MINAR1: variants seen among roughly 807,000 people sequenced by gnomAD.
MINAR1 encodes membrane integral NOTCH2 associated receptor 1.
In MINAR1, 40 loss-of-function variants were observed where a neutral mutation model predicts 65.1. The observed-to-expected ratio is 0.61, with a 90% CI of 0.48 to 0.80. The LOEUF is 0.80. Among genes scored for constraint, MINAR1 ranks in the 30% least tolerant of loss-of-function variants. The pLI is 0.00. For synonymous variants in MINAR1, 482 were observed against 449.1 expected, an observed-to-expected ratio of 1.07 and a Z score of -0.93; for missense variants, 1,128 against 1,148.0, an observed-to-expected ratio of 0.98 and a Z score of 0.25.
At chr15:79,419,442 G>A in the MINAR1 span, 1 of 152,222 alleles carries the variant, frequency 6.6e-6, no homozygotes, top group African/African-American at 2.4e-5. Context: ...GCCTGTGACT[G>A]TCCACTGGCC....
chr15:79,456,623 G>A lies in MINAR1; in HGVS notation c.476G>A (p.Arg159Gln), dbSNP rs375072007. The A allele has an allele frequency of 8.3e-5, 134 of 1,614,152 alleles. No homozygotes were observed. The highest frequency in any genetic ancestry group is 1.6e-4 in the Middle Eastern group (1 of 6,062). The change falls in exon 2 of 4, where the codon CGG (arginine) becomes CAG (glutamine). Residue 159 changes from arginine (R) to glutamine (Q), a missense_variant. By Grantham distance (43) the Arg-to-Gln change is conservative. Coordinates refer to ENST00000305428, the MANE Select transcript of MINAR1 (RefSeq NM_015206.3). ...CCCATCAGGCAGTCGTCCAAGTGCC[G>A]GAAGATGGACTGCAAGGACTGCCCA... is the stretch of plus-strand genomic sequence containing the variant. ...GYPIRQSSKC[R>Q]KMDCKDCPQF...
rs181950060 is a variant in MINAR1 at position 79,463,406 on chromosome 15, G to A, written c.2553+85G>A. On this transcript the variant is annotated intron_variant, in intron 3 of 3. Coordinates refer to ENST00000305428, the MANE Select transcript of MINAR1 (RefSeq NM_015206.3). ...GAATGGATCACGGACGGCTTAGACC[G>A]GCCAGCCCACTTCCACACCCTTCAA... 3.2e-3 allele frequency: 4,872 copies of A among 1,528,038 alleles called. 21 individuals carry two copies. Among genetic ancestry groups the A allele is most frequent in the Non-Finnish European group, 3.1e-3 (3,540 of 1,123,982 alleles). The allele number at this position is 1,528,038 out of a possible 1,614,324, so 94.7% of individuals were successfully genotyped here. A position where few individuals can be genotyped will look rare whatever the true frequency, so the allele number is the denominator to read the frequency against.
At chr15:79,461,230 T>C (rs1895631549) in intron 2 of MINAR1, among the ~76,000 whole-genome samples, 1 of 152,238 alleles carries the variant, frequency 6.6e-6, no homozygotes, top group Non-Finnish European at 1.5e-5. Context: ...TGAAAACAGT[T>C]TCAAATCCTG....
intron 3 of MINAR1, 117 bp downstream of exon 3, chr15:79,463,438 G>A: frequency 8.3e-7 from 1 of 1,202,452 alleles, no homozygotes. Context: ...TCAACTCCCT[G>A]GGCCCCCAAC....
At chr15:79,434,282 G>T (rs1352917188) in intron 1 of MINAR1, among the ~76,000 whole-genome samples, 4 of 152,178 alleles carry the variant, frequency 2.6e-5, no homozygotes, top group Non-Finnish European at 5.9e-5. Flanking sequence ...GATACATAAT[G>T]CGATTTTTTT....
At chr15:79,449,285 G>A (rs7173523) in intron 1 of MINAR1, among the ~76,000 whole-genome samples, 46,649 of 152,076 alleles carry the variant, frequency 0.31, 8,540 homozygotes, top group African/African-American at 0.52. Flanking sequence ...CACTTTGTCA[G>A]TTCCCAGCTC....
chr15:79,468,445 A>C lies in MINAR1; in HGVS notation c.*61A>C. ...CCAATGTCGTCGTCTGTATCTTAGA[A>C]TCTTGCAGCAGTGAGGCAACAATTT... On this transcript the variant is annotated 3_prime_UTR_variant, in exon 4 of 4. Transcript: ENST00000305428. 6.8e-7 allele frequency: 1 copy of C among 1,467,690 alleles called. No individual in the cohort carries two copies. Among genetic ancestry groups the C allele is most frequent in the Non-Finnish European group, 9.3e-7 (1 of 1,070,274 alleles). 90.9% of individuals were successfully genotyped at this position (1,467,690 alleles called of 1,614,324 possible).
At chr15:79,413,887 T>C in the MINAR1 span, 1 of 152,180 alleles carries the variant, frequency 6.6e-6, no homozygotes, top group Non-Finnish European at 1.5e-5. Context: ...TTTGAACATA[T>C]CACTGTGCAC....
chr15:79,418,872 G>T, the MINAR1 span: 1 of 152,378 alleles, frequency 6.6e-6, no homozygotes, highest in East Asian at 1.9e-4. Flanking sequence ...CACTCCATGA[G>T]CGCAGTGCAT....
At chr15:79,426,798 C>A in the MINAR1 span, 1 of 152,162 alleles carries the variant, frequency 6.6e-6, no homozygotes, top group African/African-American at 2.4e-5. Flanking sequence ...AGGAAGTAAC[C>A]CTTTGTGAGC....
chr15:79,432,610 GCGGTGTGCCCGCGGCT>G (rs1039584850), intron 1 of MINAR1, 70 bp downstream of exon 1: 1 of 150,518 alleles, frequency 6.6e-6, no homozygotes, highest in African/African-American at 2.4e-5. Context: ...GTGTGTGTTC[GCGGTGTGCCCGCGGCT>G]CGGTGCACAC....
chr15:79,426,780 G>A, the MINAR1 span: 3 of 152,180 alleles, frequency 2.0e-5, no homozygotes, highest in African/African-American at 7.2e-5. Flanking sequence ...CCGTATTTTA[G>A]GAAATTTAGG....
intron 1 of MINAR1, among the ~76,000 whole-genome samples, chr15:79,439,235 G>T (rs1180760216): frequency 4.4e-5 from 1 of 22,826 alleles, no homozygotes. Flanking sequence ...GTGTGTGTAG[G>T]TTGTGGGGTG....
chr15:79,468,329 C>T lies in MINAR1; in HGVS notation c.2696C>T (p.Ala899Val), dbSNP rs756818564. 3.1e-5 allele frequency: 50 copies of T among 1,613,944 alleles called. 2 individuals are homozygous for T. In the Admixed American group the frequency reaches 3.3e-4, roughly 11 times the overall value. Reference sequence around the variant, plus strand: ...AAGATAGCTGCTCTGATCGCTGCTGCGGCATGCACCGTCATCCTCGTTATT... The same window carrying T: ...AAGATAGCTGCTCTGATCGCTGCTGTGGCATGCACCGTCATCCTCGTTATT... Reference protein sequence around the residue: ...VCKIAALIAAAACTVILVIVV... With the variant: ...VCKIAALIAAVACTVILVIVV... Residue 899 changes from alanine (A) to valine (V), a missense_variant, in exon 4 of 4, where the codon GCG becomes GTG. By Grantham distance (64) the Ala-to-Val change is moderately conservative. Coordinates refer to ENST00000305428, the MANE Select transcript of MINAR1 (RefSeq NM_015206.3).
the MINAR1 span, chr15:79,418,786 C>G: frequency 6.6e-6 from 1 of 152,306 alleles, no homozygotes; most frequent in Admixed American, 6.5e-5. Context: ...CTGGAAAGGA[C>G]AGGCAGGGCC....
intron 2 of MINAR1, among the ~76,000 whole-genome samples, chr15:79,462,104 A>T (rs1595952366): frequency 1.3e-5 from 2 of 152,316 alleles, no homozygotes; most frequent in East Asian, 3.9e-4. Flanking sequence ...ATGACTTCAT[A>T]TCGCCTCTAA....
At chr15:79,440,208 T>C (rs77460505) in intron 1 of MINAR1, among the ~76,000 whole-genome samples, 3,572 of 152,252 alleles carry the variant, frequency 0.023, 141 homozygotes, top group African/African-American at 0.081. Flanking sequence ...GGCCAGAGAC[T>C]TGCTTTATCC....
At chr15:79,442,128 A>G (rs145077218) in intron 1 of MINAR1, among the ~76,000 whole-genome samples, 2,286 of 148,846 alleles carry the variant, frequency 0.015, 58 homozygotes, top group African/African-American at 0.054. Context: ...ATCAGTTTTC[A>G]TCTTAATTAT....
At chr15:79,437,781 A>G (rs1595928774) in intron 1 of MINAR1, among the ~76,000 whole-genome samples, 2 of 20,608 alleles carry the variant, frequency 9.7e-5, no homozygotes, top group African/African-American at 2.3e-4. Context: ...TGGGGTGGGT[A>G]GTGTGTGGGG....
Sources: allele counts gnomAD v4.1 joint callset (sites outside exome capture counted in the v4.1 genomes callset), GRCh38; gene constraint gnomAD v4.1.1; transcripts MANE v1.5; gene names NCBI Gene and HGNC (gene_info 2026-07-23, HGNC 2026-07-21).